SLC9C1: variants seen among roughly 807,000 people sequenced by gnomAD.
SLC9C1 encodes the protein solute carrier family 9 member C1, also known as sodium/hydrogen exchanger 10.
A neutral mutation model predicts 140.9 loss-of-function variants in SLC9C1; 97 were observed. The ratio of observed to expected loss-of-function variants is 0.69; its 90% confidence interval spans 0.58 to 0.82. SLC9C1 has a LOEUF of 0.82. SLC9C1 is among the 40% of genes least tolerant of loss of function. SLC9C1 has a pLI of 0.00. For missense variants in SLC9C1, 1,340 were observed against 1,389.3 expected (o/e 0.96, Z 0.56); for synonymous variants, 440 against 442.6 (o/e 0.99, Z 0.07).
At chr3:112,269,560 CTATA>C (rs1403459510) in intron 7 of SLC9C1, among the ~76,000 whole-genome samples, 1 of 152,120 alleles carries the variant, frequency 6.6e-6, no homozygotes, top group East Asian at 1.9e-4. Context: ...AGGTAAAACT[CTATA>C]TATCTTATAA....
At chr3:112,193,146 C>G (rs746111973) in intron 20 of SLC9C1, among the ~76,000 whole-genome samples, 1 of 152,104 alleles carries the variant, frequency 6.6e-6, no homozygotes, top group Non-Finnish European at 1.5e-5. Context: ...GCTATGAGAG[C>G]GTGTGGTGGT....
chr3:112,235,678 AG>A (rs1242374856), intron 12 of SLC9C1, among the ~76,000 whole-genome samples: 4 of 152,180 alleles, frequency 2.6e-5, no homozygotes, highest in Admixed American at 6.5e-5. Flanking sequence ...TTTAGCATGA[AG>A]GGCTGTTGCA....
At chr3:112,167,111 G>A (rs1560022381) in intron 26 of SLC9C1, 110 bp downstream of exon 26, 1 of 1,219,908 alleles carries the variant, frequency 8.2e-7, no homozygotes, top group East Asian at 2.6e-5. Flanking sequence ...CAGTTAAAAG[G>A]ATTCCTCAAT....
intron 27 of SLC9C1, among the ~76,000 whole-genome samples, chr3:112,154,330 G>C (rs2075068370): frequency 6.6e-6 from 1 of 152,114 alleles, no homozygotes; most frequent in African/African-American, 2.4e-5. Flanking sequence ...ACACAGGTAG[G>C]ATGATGTAGA....
intron 26 of SLC9C1, among the ~76,000 whole-genome samples, chr3:112,165,854 T>C (rs1419701098): frequency 3.3e-5 from 5 of 152,222 alleles, no homozygotes; most frequent in Admixed American, 3.3e-4. Flanking sequence ...TTTGGCAATG[T>C]CCTGCCCCCA....
At chr3:112,178,728 T>C (rs2077385507) in intron 23 of SLC9C1, among the ~76,000 whole-genome samples, 1 of 152,236 alleles carries the variant, frequency 6.6e-6, no homozygotes, top group South Asian at 2.1e-4. Flanking sequence ...TAGTATTTCC[T>C]TCATTATAAC....
At chr3:112,266,181 TTATAA>T in intron 8 of SLC9C1, 52 bp downstream of exon 8, 1 of 1,237,818 alleles carries the variant, frequency 8.1e-7, no homozygotes. Flanking sequence ...ATTGTTACTA[TTATAA>T]TATTATAGCT....
intron 7 of SLC9C1, among the ~76,000 whole-genome samples, chr3:112,268,703 T>C (rs569211374): frequency 1.5e-4 from 23 of 152,346 alleles, no homozygotes; most frequent in African/African-American, 5.5e-4. Context: ...AACCATTTTT[T>C]CTTTTAAAAT....
At chr3:112,216,999 T>C (rs1385773572) in intron 15 of SLC9C1, among the ~76,000 whole-genome samples, 1 of 152,094 alleles carries the variant, frequency 6.6e-6, no homozygotes, top group East Asian at 1.9e-4. Context: ...ATATGTCACA[T>C]ATACACCGTG....
At chr3:112,244,902 G>T in intron 10 of SLC9C1, among the ~76,000 whole-genome samples, 1 of 152,264 alleles carries the variant, frequency 6.6e-6, no homozygotes, top group South Asian at 2.1e-4. Flanking sequence ...GATCTAATTC[G>T]TCAAGGGTGC....
chr3:112,172,636 G>A (rs1159569625), intron 23 of SLC9C1, among the ~76,000 whole-genome samples: 3 of 151,944 alleles, frequency 2.0e-5, no homozygotes, highest in South Asian at 2.1e-4. Context: ...CAGTCTTACC[G>A]TCTTAGTTTT....
At chr3:112,210,032 T>C (rs1018491665) in intron 15 of SLC9C1, among the ~76,000 whole-genome samples, 1 of 152,272 alleles carries the variant, frequency 6.6e-6, no homozygotes, top group Middle Eastern at 3.4e-3. Flanking sequence ...GTTACAACAA[T>C]CTTGAAAAAG....
At chr3:112,267,598 G>A (rs12493823) in intron 7 of SLC9C1, among the ~76,000 whole-genome samples, 29,656 of 95,392 alleles carry the variant, frequency 0.31, 4,535 homozygotes, top group East Asian at 0.42. Flanking sequence ...AAAAAAAAAA[G>A]AGAGAGAGAG....
intron 12 of SLC9C1, among the ~76,000 whole-genome samples, chr3:112,233,776 C>T (rs896010941): frequency 1.4e-4 from 22 of 152,028 alleles, no homozygotes; most frequent in African/African-American, 5.1e-4. Flanking sequence ...TGATGGTTTC[C>T]AGCTTCATCC....
At chr3:112,208,793 T>C (rs941641929) in intron 15 of SLC9C1, among the ~76,000 whole-genome samples, 2 of 152,186 alleles carry the variant, frequency 1.3e-5, no homozygotes, top group African/African-American at 4.8e-5. Flanking sequence ...ATAAAATGAT[T>C]ATCCATAAAC....
chr3:112,201,928 A>C (rs2077916658), intron 18 of SLC9C1, among the ~76,000 whole-genome samples: 1 of 151,928 alleles, frequency 6.6e-6, no homozygotes, highest in African/African-American at 2.4e-5. Context: ...ACCTTCCAGT[A>C]CTTCCTATTT....
chr3:112,257,627 G>A (rs183338208), intron 10 of SLC9C1, among the ~76,000 whole-genome samples: 5 of 152,212 alleles, frequency 3.3e-5, no homozygotes, highest in Non-Finnish European at 5.9e-5. Context: ...TACCATGCTG[G>A]ACATAGATAG....
intron 23 of SLC9C1, among the ~76,000 whole-genome samples, chr3:112,177,365 C>A (rs1171503593): frequency 6.6e-6 from 1 of 151,902 alleles, no homozygotes; most frequent in Non-Finnish European, 1.5e-5. Flanking sequence ...TGTGTCTCAT[C>A]CTGGGCATTT....
chr3:112,150,635 T>C (rs2074929876), intron 28 of SLC9C1, among the ~76,000 whole-genome samples: 2 of 151,716 alleles, frequency 1.3e-5, no homozygotes, highest in Admixed American at 6.6e-5. Context: ...AATCCGCCAT[T>C]AAATTCATCT....
Sources: gnomAD v4.1 joint callset for allele counts (sites outside exome capture counted in the v4.1 genomes callset) on GRCh38, gnomAD v4.1.1 for gene constraint, MANE v1.5 for transcripts, NCBI Gene and HGNC (gene_info 2026-07-23, HGNC 2026-07-21) for gene names.